KCNN2: variants seen among roughly 807,000 people sequenced by gnomAD.
KCNN2 encodes potassium calcium-activated channel subfamily N member 2.
KCNN2 carries 24 observed loss-of-function variants against 55.5 expected under a neutral mutation model. The observed-to-expected ratio is 0.43, with a 90% CI of 0.31 to 0.61. The LOEUF (loss-of-function observed/expected upper bound fraction) is 0.61, where lower values mean the gene tolerates loss of function less well. Among genes scored for constraint, KCNN2 ranks in the 20% least tolerant of loss-of-function variants. The probability of loss-of-function intolerance (pLI) is 0.08; values close to 1 mark genes in which losing one functional copy is unlikely to be tolerated. For missense variants in KCNN2, 754 were observed against 853.6 expected (o/e 0.88, Z 1.45); for synonymous variants, 431 against 336.1 (o/e 1.28, Z -3.09).
chr5:114,241,772 ATACATATATACG>A (rs1561537120), intron 2 of KCNN2, among the ~76,000 whole-genome samples: 1,035 of 13,466 alleles, frequency 0.077, 315 homozygotes, highest in Middle Eastern at 0.12. Flanking sequence ...ACGTATATAT[ATACATATATACG>A]TATATATATG....
intron 5 of KCNN2, among the ~76,000 whole-genome samples, chr5:114,482,310 C>T (rs1470388257): frequency 1.3e-5 from 2 of 152,082 alleles, no homozygotes; most frequent in East Asian, 1.9e-4. Context: ...AAATGCAAAT[C>T]GGAAACCACA....
rs886125453 is a variant in KCNN2 at position 114,101,364 on chromosome 5, G to A, written c.-271+44864G>A. Among the ~76,000 whole-genome samples the A allele has an allele frequency of 4.0e-5, 6 of 150,300 alleles. No individual in the cohort carries two copies. In the South Asian group the frequency reaches 1.1e-3, roughly 26 times the overall value. On this transcript the variant is annotated intron_variant, in intron 1 of 10. Transcript: ENST00000512097. ...GCAGTAGGTGTAATCACATCTCTAG[G>A]TGGCGCCATTTACATAGTGGTTTAT...
Position 114,062,983 on chromosome 5 carries a change from C to A in KCNN2, c.-271+6483C>A, listed in dbSNP as rs180769791. Among the ~76,000 whole-genome samples, 32 of 152,248 alleles carry A rather than the reference C, an allele frequency of 2.1e-4. No individual in the cohort carries two copies. The East Asian group carries it at 6.0e-3, about 28-fold the overall frequency. On this transcript the variant is annotated intron_variant, in intron 1 of 10. Coordinates refer to the KCNN2 transcript ENST00000512097. ...TTTGCTATAAATTCCCATTAAAAAT[C>A]AAGCATCCAGTCAAAGATAAAGCTT...
At position 114,145,432 on chromosome 5, in the gene KCNN2, G is replaced by A. The variant is rs145848949; in HGVS notation, c.-270-76048G>A. Among the ~76,000 whole-genome samples the A allele has an allele frequency of 2.2e-4, 34 of 152,314 alleles. 1 individual carries two copies. The highest frequency in any genetic ancestry group is 7.7e-4 in the African/African-American group (32 of 41,574). On this transcript the variant is annotated intron_variant, in intron 1 of 10. Transcript: ENST00000512097. ...TGGGATGTGTGAATATAATCAGCGA[G>A]CAATTCCTATTTTGATCTGCCTTAG...
intron 1 of KCNN2, among the ~76,000 whole-genome samples, chr5:114,089,062 G>A (rs1394260539): frequency 1.3e-5 from 2 of 151,898 alleles, no homozygotes; most frequent in Non-Finnish European, 2.9e-5. Context: ...CTGTCGTTTT[G>A]GAGCCTGTTT....
intron 3 of KCNN2, among the ~76,000 whole-genome samples, chr5:114,416,213 T>C (rs1301271796): frequency 3.9e-5 from 6 of 152,052 alleles, no homozygotes; most frequent in Admixed American, 3.9e-4. Context: ...TCACTTAGGA[T>C]TAAGTGTTCC....
rs555535277 is a variant in KCNN2, at chr5:114,433,893, A to G, written c.1637+29037A>G. The G allele has an allele frequency of 2.4e-4, 39 of 159,684 alleles. 1 individual carries two copies. In the South Asian group the frequency reaches 7.6e-3, roughly 31 times the overall value. The allele number at this position is 159,684 out of a possible 1,614,324, so 9.9% of individuals were successfully genotyped here. A position where few individuals can be genotyped will look rare whatever the true frequency, so the allele number is the denominator to read the frequency against. ...CCAGGGTCCGGGGCTTCGTTCTTGA[A>G]GTCAGTGAGACCAAGAACCCACCAA... On this transcript the variant is annotated intron_variant, in intron 3 of 7. Transcript: ENST00000673685.
chr5:114,274,052 G>T (rs959912548), intron 2 of KCNN2, among the ~76,000 whole-genome samples: 1 of 152,126 alleles, frequency 6.6e-6, no homozygotes, highest in African/African-American at 2.4e-5. Context: ...TCAGTTTTCT[G>T]CATATGGCTA....
intron 3 of KCNN2, among the ~76,000 whole-genome samples, chr5:114,446,546 C>T (rs1760415773): frequency 6.6e-6 from 1 of 152,160 alleles, no homozygotes; most frequent in African/African-American, 2.4e-5. Flanking sequence ...CCACCTCCGT[C>T]TCCCAGGTTC....
chr5:114,464,617 CT>C (rs1218166432), intron 4 of KCNN2, among the ~76,000 whole-genome samples: 2 of 152,080 alleles, frequency 1.3e-5, no homozygotes, highest in East Asian at 3.9e-4. Context: ...CAACATCCTT[CT>C]CCCCCCTCGG....
intron 1 of KCNN2, among the ~76,000 whole-genome samples, chr5:114,074,541 T>C (rs1750646612): frequency 2.6e-5 from 4 of 152,192 alleles, no homozygotes; most frequent in Admixed American, 2.0e-4. Flanking sequence ...TTCAGATTTA[T>C]TCAGGACCAG....
intron 2 of KCNN2, among the ~76,000 whole-genome samples, chr5:114,263,148 C>T (rs1429368863): frequency 6.6e-6 from 1 of 151,776 alleles, no homozygotes; most frequent in African/African-American, 2.4e-5. Context: ...TCTTGGTGAG[C>T]ATGTTGGCAG....
At chr5:114,143,956 G>A (rs546584529) in intron 1 of KCNN2, among the ~76,000 whole-genome samples, 5 of 152,116 alleles carry the variant, frequency 3.3e-5, no homozygotes, top group South Asian at 2.1e-4. Flanking sequence ...AATTATACAC[G>A]AACAAAATTA....
rs1164491163 is a variant in KCNN2 at position 114,317,231 on chromosome 5, A to AT, written c.-184-43701dup. ...AGAGATTTGGAAGCTTATTGATCCA[A>AT]TTTTTTTTTTTTTCAGGAAGCCAGC... On this transcript the variant is annotated intron_variant, in intron 2 of 10. Coordinates refer to the KCNN2 transcript ENST00000512097. Among the ~76,000 whole-genome samples the AT allele has an allele frequency of 3.4e-3, 496 of 145,246 alleles. 3 individuals are homozygous for AT. The highest frequency in any genetic ancestry group is 0.021 in the East Asian group (106 of 5,032).
upstream of KCNN2, chr5:114,361,182 C>G (rs997753665): frequency 6.6e-6 from 1 of 152,246 alleles, no homozygotes; most frequent in Non-Finnish European, 1.5e-5. Flanking sequence ...AAGCCCTCCG[C>G]CCCCGCCAGG....
intron 1 of KCNN2, among the ~76,000 whole-genome samples, chr5:114,120,532 T>A (rs1193195124): frequency 6.6e-6 from 1 of 152,208 alleles, no homozygotes; most frequent in Non-Finnish European, 1.5e-5. Context: ...ATTTGAGTCA[T>A]TTGTTCACAA....
intron 1 of KCNN2, among the ~76,000 whole-genome samples, chr5:114,059,617 C>T (rs1202198834): frequency 6.6e-6 from 1 of 152,192 alleles, no homozygotes; most frequent in African/African-American, 2.4e-5. Context: ...GCCCAGGTTT[C>T]TGATGCTGCT....
rs375722120 is a variant in KCNN2, at chr5:114,083,411, C to T, written c.-271+26911C>T. Among the ~76,000 whole-genome samples the T allele has an allele frequency of 2.6e-5, 4 of 151,798 alleles. No individual in the cohort carries two copies. The East Asian group carries it at 5.8e-4, about 22-fold the overall frequency. On this transcript the variant is annotated intron_variant, in intron 1 of 10. Transcript: ENST00000512097. The stretch of plus-strand genomic sequence containing the variant: ...GCTGTAAATTTCCCCTCTAAATATG[C>T]GTTAGTTGAATCTCAAAAGTTTTGA...
intron 2 of KCNN2, among the ~76,000 whole-genome samples, chr5:114,346,043 A>C (rs984525007): frequency 6.6e-6 from 1 of 152,050 alleles, no homozygotes; most frequent in Non-Finnish European, 1.5e-5. Flanking sequence ...CAGCCTCCCA[A>C]AATGTTGGGA....
Sources: gnomAD v4.1 joint callset for allele counts (sites outside exome capture counted in the v4.1 genomes callset) on GRCh38, gnomAD v4.1.1 for gene constraint, MANE v1.5 for transcripts, NCBI Gene and HGNC (gene_info 2026-07-23, HGNC 2026-07-21) for gene names.